PCDHA11: variants seen among roughly 807,000 people sequenced by gnomAD.
PCDHA11 encodes protocadherin alpha 11.
A neutral mutation model predicts 70.3 loss-of-function variants in PCDHA11; 61 were observed. The observed-to-expected ratio is 0.87, with a 90% confidence interval of 0.71 to 1.07. The LOEUF (loss-of-function observed/expected upper bound fraction) is 1.07. PCDHA11 is among the 50% of genes least tolerant of loss of function. The probability of loss-of-function intolerance (pLI) is 0.00; values close to 1 mark genes in which losing one functional copy is unlikely to be tolerated. For missense variants in PCDHA11, 1,324 were observed against 1,237.5 expected, an observed-to-expected ratio of 1.07 and a Z score of -1.05; for synonymous variants, 633 against 555.1, an observed-to-expected ratio of 1.14 and a Z score of -1.97.
At chr5:140,882,732 A>C in intron 1 of PCDHA11, 1 of 1,614,228 alleles carries the variant, frequency 6.2e-7, no homozygotes, top group Non-Finnish European at 8.5e-7. Context: ...TTTCCACTAG[A>C]TGGCGCATCC....
chr5:140,941,597 G>T (rs2093124922), intron 1 of PCDHA11, among the ~76,000 whole-genome samples: 1 of 152,032 alleles, frequency 6.6e-6, no homozygotes, highest in Middle Eastern at 3.4e-3. Context: ...TTACAGCCAT[G>T]AGCCATGGTG....
intron 1 of PCDHA11, among the ~76,000 whole-genome samples, chr5:140,971,680 A>C (rs185214999): frequency 1.1e-4 from 17 of 152,268 alleles, no homozygotes; most frequent in African/African-American, 4.1e-4. Context: ...AGAGTAAGGG[A>C]ATTTGTACTC....
intron 1 of PCDHA11, among the ~76,000 whole-genome samples, chr5:140,962,736 C>T (rs1233355346): frequency 2.0e-5 from 3 of 152,136 alleles, no homozygotes; most frequent in Non-Finnish European, 4.4e-5. Flanking sequence ...TCTGGGGATG[C>T]ATGAAGATCA....
At chr5:140,904,193 T>C (rs1554191351) in intron 1 of PCDHA11, among the ~76,000 whole-genome samples, 2 of 151,930 alleles carry the variant, frequency 1.3e-5, no homozygotes, top group Non-Finnish European at 2.9e-5. Flanking sequence ...TTCCCACCCT[T>C]TCCCCCTAAG....
At chr5:140,883,551 G>C (rs375469569) in intron 1 of PCDHA11, 16 of 1,614,234 alleles carry the variant, frequency 9.9e-6, no homozygotes, top group Middle Eastern at 1.7e-4. Flanking sequence ...GTGACCGCGC[G>C]GGACGGGGGC....
intron 1 of PCDHA11, among the ~76,000 whole-genome samples, chr5:140,957,916 T>C (rs1554223208): frequency 6.6e-6 from 1 of 152,114 alleles, no homozygotes; most frequent in African/African-American, 2.4e-5. Context: ...TTGTTATCTA[T>C]GTATCAAGCT....
At chr5:140,935,080 C>T (rs1163743447) in intron 1 of PCDHA11, among the ~76,000 whole-genome samples, 1 of 152,076 alleles carries the variant, frequency 6.6e-6, no homozygotes, top group Non-Finnish European at 1.5e-5. Flanking sequence ...TGTACATTTC[C>T]TTTCCCAGAA....
chr5:140,969,428 CAA>C lies in PCDHA11; in HGVS notation c.2392-9520_2392-9519del, dbSNP rs2096329692. The stretch of plus-strand genomic sequence containing the variant: ...GGCTTTATTGAGTCATTAACAGTGA[CAA>C]GAGTTATCTGGTAAACTGAGTATAT... On this transcript the variant is annotated intron_variant, in intron 1 of 3. Coordinates refer to ENST00000398640, the MANE Select transcript of PCDHA11 (RefSeq NM_018902.5). 8.4e-6 allele frequency: 13 copies of C among 1,555,028 alleles called. No homozygotes were observed. The East Asian group carries it at 1.4e-4, about 17-fold the overall frequency.
At chr5:140,950,195 C>A (rs186601471) in intron 1 of PCDHA11, among the ~76,000 whole-genome samples, 1 of 152,028 alleles carries the variant, frequency 6.6e-6, no homozygotes, top group Non-Finnish European at 1.5e-5. Context: ...AAAAAATAGT[C>A]ATTTCTGTTT....
intron 1 of PCDHA11, chr5:140,966,556 A>C (rs2096021446): frequency 8.5e-6 from 4 of 469,720 alleles, no homozygotes; most frequent in Admixed American, 8.7e-5. Context: ...CGAGCGGAGG[A>C]GCTGGAATAT....
At chr5:141,003,441 A>G (rs184470683) in intron 3 of PCDHA11, among the ~76,000 whole-genome samples, 25 of 152,240 alleles carry the variant, frequency 1.6e-4, no homozygotes, top group Non-Finnish European at 1.5e-5. Flanking sequence ...CCTCCCAAGT[A>G]GATGAAATTA....
intron 3 of PCDHA11, among the ~76,000 whole-genome samples, chr5:140,984,830 T>C (rs2097123075): frequency 6.6e-6 from 1 of 152,220 alleles, no homozygotes; most frequent in South Asian, 2.1e-4. Context: ...TTACCCTTTC[T>C]GTAAATTGGG....
At chr5:141,008,238 G>A (rs2098366224) in intron 3 of PCDHA11, among the ~76,000 whole-genome samples, 1 of 152,046 alleles carries the variant, frequency 6.6e-6, no homozygotes, top group Admixed American at 6.6e-5. Context: ...TACTGCTCAG[G>A]GACACCAAAT....
At chr5:140,906,719 T>C (rs1282384270) in intron 1 of PCDHA11, among the ~76,000 whole-genome samples, 1 of 152,218 alleles carries the variant, frequency 6.6e-6, no homozygotes, top group East Asian at 1.9e-4. Flanking sequence ...GCCTGGATTG[T>C]GCTGTTGTAG....
At chr5:140,889,242 TTC>T (rs1195440878) in intron 1 of PCDHA11, among the ~76,000 whole-genome samples, 1 of 151,892 alleles carries the variant, frequency 6.6e-6, no homozygotes, top group African/African-American at 2.4e-5. Flanking sequence ...CCAGAAAATT[TTC>T]TGTTTCCTGT....
At chr5:140,989,724 T>C (rs1251385686) in intron 3 of PCDHA11, among the ~76,000 whole-genome samples, 6 of 152,178 alleles carry the variant, frequency 3.9e-5, no homozygotes, top group African/African-American at 1.4e-4. Context: ...AGCTTTGCAG[T>C]TGAAAAGGCC....
chr5:140,903,020 A>G lies in PCDHA11; in HGVS notation c.2391+31526A>G, dbSNP rs375776888. ...AATTGTGAATTGTGCTGCTATCAAC[A>G]TGGCTTGCACATGTGTCTTTTTCAT... On this transcript the variant is annotated intron_variant, in intron 1 of 3. Coordinates refer to ENST00000398640, the MANE Select transcript of PCDHA11 (RefSeq NM_018902.5). Among the ~76,000 whole-genome samples the G allele has an allele frequency of 2.4e-4, 36 of 152,312 alleles. No homozygotes were observed. In the East Asian group the frequency reaches 6.4e-3, roughly 27 times the overall value.
chr5:140,890,045 T>C (rs1192229071), intron 1 of PCDHA11, among the ~76,000 whole-genome samples: 1 of 152,206 alleles, frequency 6.6e-6, no homozygotes, highest in African/African-American at 2.4e-5. Context: ...TGTAGTGTGT[T>C]GGAGCTGGCT....
At chr5:140,882,137 A>G in intron 1 of PCDHA11, 1 of 1,489,212 alleles carries the variant, frequency 6.7e-7, no homozygotes. Flanking sequence ...CCTGCAGAAA[A>G]TATAGCAGAA....
Sources: gnomAD v4.1 joint callset for allele counts (sites outside exome capture counted in the v4.1 genomes callset) on GRCh38, gnomAD v4.1.1 for gene constraint, MANE v1.5 for transcripts, NCBI Gene and HGNC (gene_info 2026-07-23, HGNC 2026-07-21) for gene names.